ZFYVE26: variants seen among roughly 807,000 people sequenced by gnomAD.
ZFYVE26 encodes the protein zinc finger FYVE-type containing 26.
In ZFYVE26, 181 loss-of-function variants were observed where a neutral mutation model predicts 276.5. The ratio of observed to expected loss-of-function variants is 0.65; its 90% CI spans 0.58 to 0.74. The LOEUF (loss-of-function observed/expected upper bound fraction) is 0.74. ZFYVE26 is among the 30% of genes least tolerant of loss of function. ZFYVE26 has a pLI of 0.00. For synonymous variants in ZFYVE26, 1,129 were observed against 1,203.1 expected (o/e 0.94, Z 1.27); for missense variants, 2,821 against 3,097.9 (o/e 0.91, Z 2.12).
At position 67,786,261 on chromosome 14, in the gene ZFYVE26, G is replaced by GAAAAAAAAA. The variant is rs757797866; in HGVS notation, c.3020-29_3020-28insTTTTTTTTT. 2,934 of 515,020 alleles carry GAAAAAAAAA rather than the reference G, an allele frequency of 5.7e-3. 94 individuals carry two copies. In the African/African-American group the frequency reaches 0.061, roughly 11 times the overall value. The allele number at this position is 515,020 out of a possible 1,614,324, so 31.9% of individuals were successfully genotyped here. On this transcript the variant is annotated intron_variant, in intron 16 of 41. Transcript: ENST00000347230. ...GGAAATAGATGAAGGAAGAGGGAATGCAAAAAAAAAAAATTGAAGTGTTTT... is the reference window on the plus strand; with the variant it reads ...GGAAATAGATGAAGGAAGAGGGAATGAAAAAAAAACAAAAAAAAAAAATTGAAGTGTTTT...
downstream of ZFYVE26, among the ~76,000 whole-genome samples, chr14:67,741,832 T>A (rs2038417959): frequency 6.6e-6 from 1 of 152,192 alleles, no homozygotes; most frequent in Non-Finnish European, 1.5e-5. Context: ...TGCCTTCTAC[T>A]CTTCTTCAGT....
chr14:67,799,256 AT>A lies in ZFYVE26; in HGVS notation c.1640-635del. 3.7e-6 allele frequency: 6 copies of A among 1,613,394 alleles called. No homozygotes were observed. In the Middle Eastern group the frequency reaches 1.1e-3, roughly 290 times the overall value. On this transcript the variant is annotated intron_variant, in intron 10 of 41. Coordinates refer to ENST00000347230, the MANE Select transcript of ZFYVE26 (RefSeq NM_015346.4). ...GGACTTCAAGGGTGACATGGATCAG[AT>A]CATGGAGTCTGTGCTTTGCGTGCAG...
At chr14:67,734,758 G>T (rs1350771216) in intron 13 of ZFYVE26, among the ~76,000 whole-genome samples, 2 of 152,200 alleles carry the variant, frequency 1.3e-5, no homozygotes, top group Non-Finnish European at 2.9e-5. Flanking sequence ...TAGGAAATTT[G>T]AGTGCTGACG....
At chr14:67,793,085 C>T (rs1176824901) in intron 14 of ZFYVE26, among the ~76,000 whole-genome samples, 13 of 152,004 alleles carry the variant, frequency 8.6e-5, no homozygotes, top group Non-Finnish European at 1.6e-4. Context: ...CATGGCAAAA[C>T]CCTGTCTCTA....
At chr14:67,729,107 A>C in intron 14 of ZFYVE26, 1 of 1,371,102 alleles carries the variant, frequency 7.3e-7, no homozygotes. Context: ...CCTCCTTCTC[A>C]CTTGTGTATT....
intron 41 of ZFYVE26, among the ~76,000 whole-genome samples, chr14:67,750,246 C>T (rs557872780): frequency 6.6e-6 from 1 of 152,274 alleles, no homozygotes; most frequent in Admixed American, 6.5e-5. Context: ...ATGTTTAGAA[C>T]TTATTCTCCT....
In ZFYVE26 at chr14:67,785,059, C is replaced by A; in HGVS notation, c.3523G>T (p.Asp1175Tyr). The change falls in exon 19 of 42, where the codon GAT becomes TAT. Residue 1175 changes from aspartate (D) to tyrosine (Y), a missense_variant and splice_region_variant. Asp to Tyr is a radical substitution (Grantham distance 160). Transcript: ENST00000347230. ...VLLQSLSSEPDHVEVKVGNPF... is the reference protein window; with the variant it reads ...VLLQSLSSEPYHVEVKVGNPF... ...CTATTGCCTCTTTCTTGCTACCTAC[C>A]AGGCTCAGAGCTCAAACTTTGAAGG... The A allele has an allele frequency of 6.2e-7, 1 of 1,614,166 alleles. No individual in the cohort carries two copies. Among genetic ancestry groups the A allele is most frequent in the Non-Finnish European group, 8.5e-7 (1 of 1,180,032 alleles).
At position 67,782,797 on chromosome 14, in the gene ZFYVE26, C is replaced by A. The variant is rs775086188; in HGVS notation, c.4355G>T (p.Ser1452Ile). Residue 1452 changes from serine (S) to isoleucine (I), a missense_variant, in exon 21 of 42, where the codon AGC becomes ATC. Ser to Ile is a moderately radical substitution (Grantham distance 142). Coordinates refer to ENST00000347230, the MANE Select transcript of ZFYVE26 (RefSeq NM_015346.4). ...CTGCTCACCACATGCCACAGCACAG[C>A]TCAGGACTGCATCCTTTATGCTGCT... ...DLSSIKDAVLSCAVACDKEGW... is the reference protein window; with the variant it reads ...DLSSIKDAVLICAVACDKEGW... The A allele has an allele frequency of 1.5e-5, 25 of 1,614,234 alleles. No homozygotes were observed. The South Asian group carries it at 2.6e-4, about 17-fold the overall frequency.
intron 13 of ZFYVE26, among the ~76,000 whole-genome samples, chr14:67,730,893 C>A (rs903799933): frequency 6.6e-6 from 1 of 151,828 alleles, no homozygotes; most frequent in African/African-American, 2.4e-5. Flanking sequence ...CGTGAGCCAC[C>A]GCGCCCAGCC....
intron 32 of ZFYVE26, among the ~76,000 whole-genome samples, chr14:67,764,771 G>A (rs1275038647): frequency 2.0e-5 from 3 of 152,124 alleles, no homozygotes; most frequent in African/African-American, 7.2e-5. Flanking sequence ...TGTCAAAGAC[G>A]CGCAAGACAC....
At chr14:67,805,683 T>C (rs2040167298) in intron 6 of ZFYVE26, 65 bp from the exon 7 acceptor site, 1 of 1,556,332 alleles carries the variant, frequency 6.4e-7, no homozygotes, top group Non-Finnish European at 8.8e-7. Flanking sequence ...TCTAGCTTAC[T>C]GCTCTTTAGA....
Position 67,815,934 on chromosome 14 carries a change from A to C in ZFYVE26, c.30T>G (p.Ala10=), listed in dbSNP as rs141905183. 7.2e-4 allele frequency: 1,166 copies of C among 1,612,986 alleles called. No homozygotes were observed. The highest frequency in any genetic ancestry group is 9.4e-4 in the Non-Finnish European group (1,110 of 1,179,686). ...ATCCAAAAAGCTGCTTCTGCGAAGC[A>C]GCTTCCTCTTTTCCAAATGGATGAT... MNHPFGKEE[A]ASQKQLFGFF... is the part of the protein sequence containing the mutation. The change falls in exon 2 of 42, where the codon GCT becomes GCG. Residue 10 remains alanine (A), a synonymous_variant. Coordinates refer to ENST00000347230, the MANE Select transcript of ZFYVE26 (RefSeq NM_015346.4).
intron 10 of ZFYVE26, among the ~76,000 whole-genome samples, chr14:67,801,669 T>C (rs769063686): frequency 6.6e-6 from 1 of 152,068 alleles, no homozygotes; most frequent in Non-Finnish European, 1.5e-5. Context: ...AAAGATGAAA[T>C]AGGAAAGAAA....
At chr14:67,780,188 G>T (rs747254777) in intron 23 of ZFYVE26, 53 bp downstream of exon 23, 2 of 1,482,154 alleles carry the variant, frequency 1.3e-6, no homozygotes, top group South Asian at 1.2e-5. Flanking sequence ...CCAGCTAAGG[G>T]GTTGTAACTC....
intron 4 of ZFYVE26, among the ~76,000 whole-genome samples, chr14:67,808,315 C>T (rs2040227694): frequency 6.6e-6 from 1 of 152,176 alleles, no homozygotes. Flanking sequence ...AAGGCATTTA[C>T]ATTCAATTTT....
chr14:67,797,351 G>T, intron 12 of ZFYVE26: 1 of 369,740 alleles, frequency 2.7e-6, no homozygotes, highest in East Asian at 6.3e-5. Context: ...ATTTAAAATG[G>T]TAAGTGAAAA....
intron 14 of ZFYVE26, among the ~76,000 whole-genome samples, chr14:67,792,715 C>A (rs1594924574): frequency 6.6e-6 from 1 of 151,404 alleles, no homozygotes; most frequent in Non-Finnish European, 1.5e-5. Flanking sequence ...AGTTTGAGAC[C>A]AGCCTGACAA....
intron 4 of ZFYVE26, among the ~76,000 whole-genome samples, chr14:67,808,209 C>G (rs918511094): frequency 6.6e-5 from 10 of 152,130 alleles, no homozygotes; most frequent in African/African-American, 2.4e-4. Context: ...CCTCCATGCT[C>G]CAGCTAGTCC....
At chr14:67,769,495 G>C (rs2039146933) in intron 29 of ZFYVE26, 99 bp downstream of exon 29, 1 of 1,543,008 alleles carries the variant, frequency 6.5e-7, no homozygotes, top group Non-Finnish European at 8.9e-7. Flanking sequence ...AACATTTCTG[G>C]ATTTGAAATG....
Sources: allele counts gnomAD v4.1 joint callset (sites outside exome capture counted in the v4.1 genomes callset), GRCh38; gene constraint gnomAD v4.1.1; transcripts MANE v1.5; gene names NCBI Gene and HGNC (gene_info 2026-07-23, HGNC 2026-07-21).